FBXL18: variants seen among roughly 807,000 people sequenced by gnomAD.
The protein encoded by FBXL18 is F-box and leucine rich repeat protein 18.
A neutral mutation model predicts 46.0 loss-of-function variants in FBXL18; 36 were observed. That is an observed-to-expected ratio of 0.78 (90% CI 0.60 to 1.03). The LOEUF is 1.03. Among genes scored for constraint, FBXL18 ranks in the 50% least tolerant of loss-of-function variants. The pLI, the probability that FBXL18 is intolerant of heterozygous loss-of-function variation, is 0.00. For synonymous variants in FBXL18, 557 were observed against 465.3 expected (o/e 1.20, Z -2.54); for missense variants, 977 against 1,004.1 (o/e 0.97, Z 0.36).
rs1783154400 is a variant in FBXL18 at position 5,455,124 on chromosome 7, CT to C, written c.2001-7282del. ...GCAAACTCGAGGCTGGCTTCCTATC[CT>C]CTTGCTCAGGGAGCAACCCTGGCAC... On this transcript the variant is annotated intron_variant and NMD_transcript_variant, in intron 4 of 6. Transcript: ENST00000415009. The surrounding 1 kb of genome is among the most constrained non-coding windows in gnomAD (Gnocchi z 4.6). Among the ~76,000 whole-genome samples, 1 of 152,134 alleles carries C rather than the reference CT, an allele frequency of 6.6e-6. No homozygotes were observed. Among genetic ancestry groups the C allele is most frequent in the Non-Finnish European group, 1.5e-5 (1 of 68,016 alleles).
intron 4 of FBXL18, among the ~76,000 whole-genome samples, chr7:5,467,207 C>G (rs1399307613): frequency 2.0e-5 from 3 of 152,078 alleles, no homozygotes; most frequent in African/African-American, 7.2e-5. Flanking sequence ...AAAAATTAGC[C>G]AGGCGCGGTG....
intron 4 of FBXL18, among the ~76,000 whole-genome samples, chr7:5,483,679 G>A (rs1388337956): frequency 1.3e-5 from 2 of 151,872 alleles, no homozygotes; most frequent in Non-Finnish European, 2.9e-5. Flanking sequence ...GGGAGGCGGA[G>A]GTTGCAGTGA....
intron 1 of FBXL18, among the ~76,000 whole-genome samples, chr7:5,511,715 C>T (rs1006307932): frequency 2.6e-5 from 4 of 151,272 alleles, no homozygotes; most frequent in Non-Finnish European, 5.9e-5. Flanking sequence ...TTGCAGTGAG[C>T]CGAGATCGCG....
chr7:5,508,111 C>G (rs1243706822), intron 1 of FBXL18, among the ~76,000 whole-genome samples: 4 of 151,904 alleles, frequency 2.6e-5, no homozygotes, highest in African/African-American at 9.7e-5. Flanking sequence ...ACTAAAAATA[C>G]AAAAACTAGC....
chr7:5,513,065 T>C (rs993065724), intron 1 of FBXL18, among the ~76,000 whole-genome samples: 4 of 152,142 alleles, frequency 2.6e-5, no homozygotes, highest in African/African-American at 9.7e-5. Context: ...GCTGCACCCC[T>C]TTCTGCAGAG....
intron 3 of FBXL18, among the ~76,000 whole-genome samples, chr7:5,495,188 C>T (rs557345023): frequency 6.6e-6 from 1 of 152,282 alleles, no homozygotes; most frequent in South Asian, 2.1e-4. Flanking sequence ...CCTGAGGGGG[C>T]ACCTGGGTCT....
chr7:5,481,627 G>A lies in FBXL18; in HGVS notation c.*148C>T. The A allele has an allele frequency of 1.3e-6, 1 of 783,470 alleles. No homozygotes were observed. The highest frequency in any genetic ancestry group is 2.1e-6 in the Non-Finnish European group (1 of 475,140). The allele number at this position is 783,470 out of a possible 1,614,324, so 48.5% of individuals were successfully genotyped here. A position where few individuals can be genotyped will look rare whatever the true frequency, so the allele number is the denominator to read the frequency against. On this transcript the variant is annotated 3_prime_UTR_variant, in exon 5 of 5. Transcript: ENST00000382368. ...CAACAGTCCCCATGAGAGAGCCGTGGAGACGCCGGGAGCCCCAGGAGCCAG... is the reference window on the plus strand; with the variant it reads ...CAACAGTCCCCATGAGAGAGCCGTGAAGACGCCGGGAGCCCCAGGAGCCAG...
chr7:5,507,817 G>C (rs564838858), intron 1 of FBXL18, among the ~76,000 whole-genome samples: 2 of 150,698 alleles, frequency 1.3e-5, no homozygotes, highest in Admixed American at 1.3e-4. Flanking sequence ...CTGGGCAACA[G>C]AGCAAGACAC....
At chr7:5,494,886 T>A (rs1784034794) in intron 3 of FBXL18, among the ~76,000 whole-genome samples, 1 of 149,486 alleles carries the variant, frequency 6.7e-6, no homozygotes, top group Non-Finnish European at 1.5e-5. Flanking sequence ...AAAAACCTTT[T>A]TTCCACGAGA....
rs964426355 is a variant in FBXL18, at chr7:5,477,299, G to A, written c.*4476C>T. On this transcript the variant is annotated 3_prime_UTR_variant, in exon 5 of 5. Coordinates refer to ENST00000382368, the MANE Select transcript of FBXL18 (RefSeq NM_024963.6). This position sits in a 1 kb window ranked among gnomAD's most constrained non-coding sequence, Gnocchi z 4.4. ...AAGGCTACCAGGAACTGGCAGCAGC[G>A]CTCTGCCCACGTCCACAGGAAGTGG... Among the ~76,000 whole-genome samples the A allele has an allele frequency of 1.3e-5, 2 of 152,098 alleles. No individual in the cohort carries two copies. The highest frequency in any genetic ancestry group is 4.8e-5 in the African/African-American group (2 of 41,410).
chr7:5,498,592 TGA>T (rs886893808), intron 3 of FBXL18, among the ~76,000 whole-genome samples: 57 of 151,780 alleles, frequency 3.8e-4, no homozygotes, highest in African/African-American at 1.3e-3. Flanking sequence ...CTTTTCTTTT[TGA>T]GAGTCTCACT....
intron 4 of FBXL18, among the ~76,000 whole-genome samples, chr7:5,487,634 T>C (rs956241890): frequency 1.3e-5 from 2 of 152,208 alleles, no homozygotes; most frequent in East Asian, 3.9e-4. Flanking sequence ...CTGGGGCTGA[T>C]AGCACTGACC....
chr7:5,499,296 C>T (rs558887184), intron 3 of FBXL18, among the ~76,000 whole-genome samples: 5 of 150,050 alleles, frequency 3.3e-5, no homozygotes, highest in African/African-American at 1.2e-4. Context: ...CCCATCTTCC[C>T]TACTCCCTCC....
rs114469884 is a variant in FBXL18, at chr7:5,480,204, C to A, written c.*1571G>T. Among the ~76,000 whole-genome samples, 3,449 of 152,248 alleles carry A rather than the reference C, an allele frequency of 0.023. 143 individuals carry two copies. Among genetic ancestry groups the A allele is most frequent in the African/African-American group, 0.078 (3,241 of 41,532 alleles). ...CCCACAGGACGGGGCATCTGTCACA[C>A]GGAAACCCAGGAGGAGGAAGGCGGG... On this transcript the variant is annotated 3_prime_UTR_variant, in exon 5 of 5. Transcript: ENST00000382368.
At chr7:5,492,244 A>C (rs1343264335) in intron 3 of FBXL18, among the ~76,000 whole-genome samples, 3 of 149,948 alleles carry the variant, frequency 2.0e-5, no homozygotes, top group Non-Finnish European at 4.4e-5. Context: ...GCAGACAGAA[A>C]GCAGAAGGAC....
intron 4 of FBXL18, among the ~76,000 whole-genome samples, chr7:5,466,983 G>A (rs1326287069): frequency 3.9e-5 from 6 of 151,992 alleles, no homozygotes; most frequent in Non-Finnish European, 5.9e-5. Flanking sequence ...TTGGGAGGCC[G>A]AGGCAGGCGG....
chr7:5,492,484 G>A (rs34636773), intron 3 of FBXL18, among the ~76,000 whole-genome samples: 25,465 of 151,596 alleles, frequency 0.17, 2,364 homozygotes, highest in African/African-American at 0.24. Flanking sequence ...GGGAGGAGCC[G>A]CTGGAGGGAC....
Position 5,455,071 on chromosome 7 carries a change from G to A in FBXL18, c.2001-7228C>T, listed in dbSNP as rs2128230337. Among the ~76,000 whole-genome samples the A allele has an allele frequency of 6.6e-6, 1 of 152,258 alleles. No homozygotes were observed. Among genetic ancestry groups the A allele is most frequent in the South Asian group, 2.1e-4 (1 of 4,828 alleles). On this transcript the variant is annotated intron_variant and NMD_transcript_variant, in intron 4 of 6. Transcript: ENST00000415009. This position sits in a 1 kb window ranked among gnomAD's most constrained non-coding sequence, Gnocchi z 4.6. Reference sequence around the variant, plus strand: ...TGCCACCTTCCACGCCGTCACTTTAGGAGTTTGCTGTGAGGTTAGCCTCAT... The same window carrying A: ...TGCCACCTTCCACGCCGTCACTTTAAGAGTTTGCTGTGAGGTTAGCCTCAT...
At chr7:5,498,158 G>A (rs1368130171) in intron 3 of FBXL18, among the ~76,000 whole-genome samples, 3 of 150,498 alleles carry the variant, frequency 2.0e-5, no homozygotes, top group Admixed American at 6.6e-5. Flanking sequence ...CGCGATCTCG[G>A]CTCACTGCAA....
Sources: allele counts gnomAD v4.1 joint callset (sites outside exome capture counted in the v4.1 genomes callset), GRCh38; gene constraint gnomAD v4.1.1; non-coding constraint Gnocchi (gnomAD v3.1); transcripts MANE v1.5; gene names NCBI Gene and HGNC (gene_info 2026-07-23, HGNC 2026-07-21).